Variants in CCSER1 observed in about 807,000 individuals in gnomAD.
CCSER1 encodes the protein coiled-coil serine rich protein 1, also known as serine-rich coiled-coil domain-containing protein 1.
Under a neutral mutation model 82.0 loss-of-function variants are expected in CCSER1, and 41 were observed. The ratio of observed to expected loss-of-function variants is 0.50; its 90% CI spans 0.39 to 0.65. The LOEUF (loss-of-function observed/expected upper bound fraction) is 0.65. Among genes scored for constraint, CCSER1 ranks in the 30% least tolerant of loss-of-function variants. CCSER1 has a pLI of 0.00. For missense variants in CCSER1, 1,119 were observed against 1,064.2 expected (o/e 1.05, Z -0.72); for synonymous variants, 414 against 383.9 (o/e 1.08, Z -0.92).
intron 4 of CCSER1, among the ~76,000 whole-genome samples, chr4:90,402,122 A>G (rs543338723): frequency 2.4e-4 from 36 of 152,332 alleles, no homozygotes; most frequent in Non-Finnish European, 4.7e-4. Flanking sequence ...GTTAAATGTC[A>G]TAAAAAGATT....
chr4:91,570,787 A>T (rs1763139129), intron 10 of CCSER1, among the ~76,000 whole-genome samples: 1 of 152,032 alleles, frequency 6.6e-6, no homozygotes, highest in South Asian at 2.1e-4. Context: ...CATTTTCCCC[A>T]TTGTCTTGCT....
At chr4:90,617,439 C>G (rs1178572247) in intron 5 of CCSER1, among the ~76,000 whole-genome samples, 1 of 152,092 alleles carries the variant, frequency 6.6e-6, no homozygotes, top group African/African-American at 2.4e-5. Context: ...TCCTATGCCA[C>G]CAGCAACCAC....
At position 91,356,834 on chromosome 4, in the gene CCSER1, A is replaced by G. The variant is rs180983558; in HGVS notation, c.2218-241738A>G. Among the ~76,000 whole-genome samples the G allele has an allele frequency of 2.0e-5, 3 of 152,276 alleles. No homozygotes were observed. In the East Asian group the frequency reaches 5.8e-4, roughly 29 times the overall value. ...TGGATGGCCCTCGGGGATGACCTGCAGGGACTTCAGGATACAGCAGAGAGA... is the reference window on the plus strand; with the variant it reads ...TGGATGGCCCTCGGGGATGACCTGCGGGGACTTCAGGATACAGCAGAGAGA... On this transcript the variant is annotated intron_variant, in intron 10 of 10. Transcript: ENST00000509176.
At chr4:90,396,181 A>G (rs1751930659) in intron 3 of CCSER1, among the ~76,000 whole-genome samples, 1 of 152,180 alleles carries the variant, frequency 6.6e-6, no homozygotes, top group Non-Finnish European at 1.5e-5. Flanking sequence ...AGGAGATGAG[A>G]AACTATTTTT....
At chr4:91,318,470 A>G (rs985646020) in intron 10 of CCSER1, among the ~76,000 whole-genome samples, 2 of 152,004 alleles carry the variant, frequency 1.3e-5, no homozygotes, top group African/African-American at 4.8e-5. Flanking sequence ...GGTTTACATT[A>G]TGATTCTGCC....
intron 10 of CCSER1, among the ~76,000 whole-genome samples, chr4:91,354,326 C>T (rs939749604): frequency 2.0e-5 from 3 of 152,180 alleles, no homozygotes; most frequent in Admixed American, 1.3e-4. Context: ...AGAAGTTTAC[C>T]TGTTTTTATC....
chr4:91,523,995 A>C (rs2110149768), intron 10 of CCSER1, among the ~76,000 whole-genome samples: 1 of 152,316 alleles, frequency 6.6e-6, no homozygotes, highest in South Asian at 2.1e-4. Flanking sequence ...AACAACAACA[A>C]ATCTAACATT....
At chr4:91,075,890 A>G (rs1193637104) in intron 9 of CCSER1, among the ~76,000 whole-genome samples, 2 of 152,092 alleles carry the variant, frequency 1.3e-5, no homozygotes, top group Non-Finnish European at 2.9e-5. Context: ...AGTCAGTAAA[A>G]ATCAAGATTG....
At chr4:90,849,602 A>G (rs942858259) in intron 8 of CCSER1, among the ~76,000 whole-genome samples, 2 of 151,928 alleles carry the variant, frequency 1.3e-5, no homozygotes, top group Non-Finnish European at 2.9e-5. Context: ...ATCCTGGCTA[A>G]CACGGTGAAA....
chr4:91,079,590 T>C (rs1328433207), intron 9 of CCSER1, among the ~76,000 whole-genome samples: 1 of 152,148 alleles, frequency 6.6e-6, no homozygotes, highest in Non-Finnish European at 1.5e-5. Flanking sequence ...TAAATGTAAA[T>C]GGGCTAAATG....
chr4:90,893,490 A>C (rs1277860388), intron 8 of CCSER1, among the ~76,000 whole-genome samples: 1 of 152,078 alleles, frequency 6.6e-6, no homozygotes, highest in Non-Finnish European at 1.5e-5. Context: ...TTGTCCAAAA[A>C]CAAGGAGATG....
intron 6 of CCSER1, among the ~76,000 whole-genome samples, chr4:90,718,644 A>G (rs1742115295): frequency 6.6e-6 from 1 of 152,172 alleles, no homozygotes; most frequent in Admixed American, 6.5e-5. Flanking sequence ...TTGCATCTCA[A>G]TAAAATGATC....
intron 5 of CCSER1, among the ~76,000 whole-genome samples, chr4:90,604,772 G>A (rs1220908047): frequency 6.6e-6 from 1 of 152,140 alleles, no homozygotes; most frequent in Non-Finnish European, 1.5e-5. Flanking sequence ...GGGACTTGGA[G>A]AACTTTTATG....
At chr4:91,103,394 C>A (rs376616693) in intron 10 of CCSER1, among the ~76,000 whole-genome samples, 25 of 152,158 alleles carry the variant, frequency 1.6e-4, no homozygotes, top group African/African-American at 5.8e-4. Flanking sequence ...TCATCGGAAC[C>A]TTTTAAATAA....
chr4:90,494,349 A>T (rs948704969), intron 5 of CCSER1, among the ~76,000 whole-genome samples: 2 of 152,230 alleles, frequency 1.3e-5, no homozygotes, highest in Non-Finnish European at 2.9e-5. Flanking sequence ...AACATTAGAC[A>T]GATCCACGAG....
At chr4:91,487,060 C>T (rs1758261351) in intron 10 of CCSER1, among the ~76,000 whole-genome samples, 1 of 151,838 alleles carries the variant, frequency 6.6e-6, no homozygotes, top group East Asian at 1.9e-4. Context: ...GCATATAGGC[C>T]ATTATTAAAG....
rs370017868 is a variant in CCSER1 at position 90,398,822 on chromosome 4, C to T, written c.1510-1214C>T. ...CACCTTTCAAACCATGGTATGTGCA[C>T]TATTCATGGATCCCACGTGTTTTTA... On this transcript the variant is annotated intron_variant, in intron 3 of 10. Coordinates refer to ENST00000509176, the MANE Select transcript of CCSER1 (RefSeq NM_001145065.2). Among the ~76,000 whole-genome samples the T allele has an allele frequency of 5.3e-4, 80 of 152,196 alleles. 1 individual carries two copies. In the South Asian group the frequency reaches 0.016, roughly 30 times the overall value.
At chr4:90,994,757 A>G (rs1737342908) in intron 9 of CCSER1, among the ~76,000 whole-genome samples, 1 of 152,162 alleles carries the variant, frequency 6.6e-6, no homozygotes, top group African/African-American at 2.4e-5. Context: ...TTATTGCCGA[A>G]GTTGTTATAC....
At chr4:91,184,811 C>A (rs1468251220) in intron 10 of CCSER1, among the ~76,000 whole-genome samples, 1 of 152,164 alleles carries the variant, frequency 6.6e-6, no homozygotes, top group African/African-American at 2.4e-5. Context: ...GGACATACCT[C>A]ATTTCATGCA....
Sources: allele counts gnomAD v4.1 joint callset (sites outside exome capture counted in the v4.1 genomes callset), GRCh38; gene constraint gnomAD v4.1.1; transcripts MANE v1.5; gene names NCBI Gene and HGNC (gene_info 2026-07-23, HGNC 2026-07-21).